Variants in ADGRL3 observed in about 807,000 individuals in gnomAD.
The protein encoded by ADGRL3 is adhesion G protein-coupled receptor L3.
Under a neutral mutation model 153.5 loss-of-function variants are expected in ADGRL3, and 62 were observed. That is an observed-to-expected ratio of 0.40 (90% CI 0.33 to 0.50). The LOEUF (loss-of-function observed/expected upper bound fraction) is 0.50, where lower values mean the gene tolerates loss of function less well. Ranked by LOEUF, ADGRL3 falls within the 20% of genes least tolerant of loss-of-function variation. The pLI is 0.47. For missense variants in ADGRL3, 1,641 were observed against 1,859.4 expected (o/e 0.88, Z 2.16); for synonymous variants, 710 against 672.5 (o/e 1.06, Z -0.86).
intron 2 of ADGRL3, among the ~76,000 whole-genome samples, chr4:61,403,796 C>T (rs950415492): frequency 2.0e-5 from 3 of 151,782 alleles, no homozygotes; most frequent in African/African-American, 4.8e-5. Flanking sequence ...AGGTAGGTGG[C>T]GTGAGTATTG....
At chr4:61,978,601 G>A (rs2099056263) in intron 17 of ADGRL3, among the ~76,000 whole-genome samples, 1 of 152,076 alleles carries the variant, frequency 6.6e-6, no homozygotes, top group African/African-American at 2.4e-5. Context: ...AAATTCTAAA[G>A]ATTCACAGAA....
At chr4:61,915,518 T>A (rs763751266) in intron 13 of ADGRL3, among the ~76,000 whole-genome samples, 17 of 152,056 alleles carry the variant, frequency 1.1e-4, no homozygotes, top group South Asian at 2.1e-4. Context: ...AAACACATGG[T>A]CATTCAAACA....
At chr4:61,489,729 CTA>C (rs1445954243) in intron 2 of ADGRL3, among the ~76,000 whole-genome samples, 1 of 151,896 alleles carries the variant, frequency 6.6e-6, no homozygotes, top group Non-Finnish European at 1.5e-5. Flanking sequence ...TTTAACACCT[CTA>C]TTGATTCAGG....
intron 25 of ADGRL3, among the ~76,000 whole-genome samples, chr4:62,055,634 T>C (rs1442027594): frequency 1.3e-5 from 2 of 151,852 alleles, no homozygotes; most frequent in African/African-American, 2.4e-5. Flanking sequence ...TTAAAACTTA[T>C]GTAACTTTGA....
chr4:61,982,604 A>G (rs560219250), intron 18 of ADGRL3, among the ~76,000 whole-genome samples: 2 of 152,222 alleles, frequency 1.3e-5, no homozygotes, highest in Non-Finnish European at 1.5e-5. Context: ...AGGAACTGAC[A>G]TAAGAGTAAG....
chr4:61,231,126 A>G (rs1750455096), intron 1 of ADGRL3, among the ~76,000 whole-genome samples: 2 of 152,226 alleles, frequency 1.3e-5, no homozygotes, highest in African/African-American at 4.8e-5. Flanking sequence ...AACAATGAAG[A>G]TCAGTAGAAA....
intron 21 of ADGRL3, among the ~76,000 whole-genome samples, chr4:62,026,420 T>C (rs1406029432): frequency 6.6e-6 from 1 of 152,080 alleles, no homozygotes; most frequent in Admixed American, 6.6e-5. Context: ...CTTCTACATA[T>C]AACTATAGCA....
intron 17 of ADGRL3, among the ~76,000 whole-genome samples, chr4:61,955,316 C>G (rs745484222): frequency 1.7e-4 from 26 of 152,070 alleles, no homozygotes; most frequent in Non-Finnish European, 3.7e-4. Context: ...ACTTGTACCT[C>G]AGATATGTTC....
At chr4:61,454,578 T>G (rs1010053512) in intron 2 of ADGRL3, among the ~76,000 whole-genome samples, 3 of 152,242 alleles carry the variant, frequency 2.0e-5, no homozygotes, top group East Asian at 1.9e-4. Context: ...TTATTGAGCT[T>G]CTTCTGAGTT....
chr4:61,528,206 T>G (rs1343466611), intron 4 of ADGRL3, among the ~76,000 whole-genome samples: 1 of 152,092 alleles, frequency 6.6e-6, no homozygotes, highest in Non-Finnish European at 1.5e-5. Context: ...TTAATTCACA[T>G]CAATTACTTA....
intron 1 of ADGRL3, among the ~76,000 whole-genome samples, chr4:61,224,996 G>A (rs900056317): frequency 6.6e-6 from 1 of 152,144 alleles, no homozygotes; most frequent in African/African-American, 2.4e-5. Flanking sequence ...GAATGGGGAA[G>A]GACAAAGCAT....
chr4:61,874,724 C>G (rs1451628469), intron 9 of ADGRL3, among the ~76,000 whole-genome samples: 2 of 151,138 alleles, frequency 1.3e-5, no homozygotes, highest in Non-Finnish European at 2.9e-5. Flanking sequence ...CACAGAACCC[C>G]CTCACGTGAT....
intron 5 of ADGRL3, among the ~76,000 whole-genome samples, chr4:61,675,690 C>T (rs2095166333): frequency 9.0e-6 from 1 of 111,174 alleles, no homozygotes; most frequent in African/African-American, 3.0e-5. Context: ...GGAACATAGT[C>T]AATGTGTATA....
At chr4:61,911,124 ATTAATG>A (rs962826127) in intron 12 of ADGRL3, among the ~76,000 whole-genome samples, 9 of 152,128 alleles carry the variant, frequency 5.9e-5, no homozygotes, top group African/African-American at 1.9e-4. Flanking sequence ...GCTGGATGCT[ATTAATG>A]AATATTGCTG....
At chr4:61,971,741 C>T (rs1023288171) in intron 17 of ADGRL3, among the ~76,000 whole-genome samples, 8 of 152,214 alleles carry the variant, frequency 5.3e-5, no homozygotes, top group Admixed American at 3.3e-4. Context: ...ACACTGACTT[C>T]CACAATGGTT....
At chr4:61,562,539 A>G (rs142775054) in intron 4 of ADGRL3, among the ~76,000 whole-genome samples, 2,313 of 152,226 alleles carry the variant, frequency 0.015, 53 homozygotes, top group African/African-American at 0.052. Context: ...TCATTTCCAC[A>G]ATGCTCCCAG....
chr4:61,952,247 C>T (rs888024060), intron 17 of ADGRL3, among the ~76,000 whole-genome samples: 60 of 152,044 alleles, frequency 3.9e-4, no homozygotes, highest in African/African-American at 1.3e-3. Context: ...GAGGCTGAGG[C>T]GGGCAGATCA....
intron 2 of ADGRL3, among the ~76,000 whole-genome samples, chr4:61,459,292 T>C (rs1458683386): frequency 6.6e-6 from 1 of 151,932 alleles, no homozygotes; most frequent in Non-Finnish European, 1.5e-5. Context: ...GGAATGTGTA[T>C]ATTCTGGCTA....
intron 8 of ADGRL3, among the ~76,000 whole-genome samples, chr4:61,799,309 C>T (rs546716318): frequency 4.6e-5 from 7 of 152,066 alleles, no homozygotes; most frequent in Admixed American, 2.0e-4. Flanking sequence ...CAAACTTCTT[C>T]TGTAAAAGAC....
Sources: allele counts gnomAD v4.1 joint callset (sites outside exome capture counted in the v4.1 genomes callset), GRCh38; gene constraint gnomAD v4.1.1; transcripts MANE v1.5; gene names NCBI Gene and HGNC (gene_info 2026-07-23, HGNC 2026-07-21).